The following TRPM1 variants were observed in gnomAD, a reference collection of about 807,000 sequenced individuals.
TRPM1 encodes the protein transient receptor potential cation channel subfamily M member 1.
Under a neutral mutation model 149.4 loss-of-function variants are expected in TRPM1, and 113 were observed. That is an observed-to-expected ratio of 0.76 (90% CI 0.65 to 0.88). The LOEUF is 0.88. Ranked by LOEUF, TRPM1 falls within the 40% of genes least tolerant of loss-of-function variation. The pLI is 0.00. For synonymous variants in TRPM1, 741 were observed against 759.5 expected, an observed-to-expected ratio of 0.98 and a Z score of 0.40; for missense variants, 1,976 against 2,038.7, an observed-to-expected ratio of 0.97 and a Z score of 0.59.
At chr15:31,014,817 C>T (rs1423219169) in intron 27 of TRPM1, among the ~76,000 whole-genome samples, 1 of 152,172 alleles carries the variant, frequency 6.6e-6, no homozygotes, top group Admixed American at 6.5e-5. Context: ...CCAAGTTCCC[C>T]CTCTCACTAT....
At chr15:31,115,194 A>G (rs2035782080) in intron 1 of TRPM1, among the ~76,000 whole-genome samples, 1 of 152,170 alleles carries the variant, frequency 6.6e-6, no homozygotes, top group South Asian at 2.1e-4. Flanking sequence ...GGAGGCGACC[A>G]TGTCAGTGAG....
At chr15:31,073,037 G>GT (rs2034601434) in intron 3 of TRPM1, among the ~76,000 whole-genome samples, 1 of 151,904 alleles carries the variant, frequency 6.6e-6, no homozygotes, top group African/African-American at 2.4e-5. Context: ...TTTTTTTGTT[G>GT]TTTTTGTTGT....
At chr15:31,059,027 G>A (rs540336057) in intron 11 of TRPM1, among the ~76,000 whole-genome samples, 97 of 152,306 alleles carry the variant, frequency 6.4e-4, no homozygotes, top group African/African-American at 2.2e-3. Flanking sequence ...AGGCTGTAGT[G>A]AGCTGAGATA....
chr15:31,010,672 G>T (rs1198350005), intron 27 of TRPM1, among the ~76,000 whole-genome samples: 1 of 152,042 alleles, frequency 6.6e-6, no homozygotes, highest in Non-Finnish European at 1.5e-5. Flanking sequence ...AAAACTTATT[G>T]AGACTTGTTT....
At chr15:31,039,774 C>T (rs1317608752) in intron 18 of TRPM1, among the ~76,000 whole-genome samples, 1 of 152,080 alleles carries the variant, frequency 6.6e-6, no homozygotes, top group Non-Finnish European at 1.5e-5. Flanking sequence ...GGTAGACGAC[C>T]CAACCAGGGT....
At chr15:31,025,916 G>A (rs1020197818) in intron 27 of TRPM1, among the ~76,000 whole-genome samples, 4 of 152,200 alleles carry the variant, frequency 2.6e-5, no homozygotes, top group Non-Finnish European at 5.9e-5. Context: ...GTTTTCTTTC[G>A]GCCCAGGATA....
At position 31,005,057 on chromosome 15, in the gene TRPM1, G is replaced by A. The variant is rs184557944; in HGVS notation, c.3630-1987C>T. ...GCGGAGGTTGCAGTGAGCCGAGATCGCACCACTGCACTCCAGCCTGGATGA... is the reference window on the plus strand; with the variant it reads ...GCGGAGGTTGCAGTGAGCCGAGATCACACCACTGCACTCCAGCCTGGATGA... On this transcript the variant is annotated intron_variant, in intron 27 of 27. Coordinates refer to ENST00000256552, the MANE Select transcript of TRPM1 (RefSeq NM_001252024.2). 5.0e-3 allele frequency among the ~76,000 whole-genome samples: 760 copies of A among 151,818 alleles called. 8 individuals carry two copies. Among genetic ancestry groups the A allele is most frequent in the African/African-American group, 0.017 (723 of 41,338 alleles).
intron 1 of TRPM1, among the ~76,000 whole-genome samples, chr15:31,112,781 A>G (rs1239271255): frequency 2.0e-5 from 3 of 152,064 alleles, no homozygotes; most frequent in Non-Finnish European, 4.4e-5. Context: ...TGCTTCCTGT[A>G]TTTTCCTCTT....
chr15:31,037,033 G>A (rs905225937), intron 20 of TRPM1, among the ~76,000 whole-genome samples: 3 of 152,228 alleles, frequency 2.0e-5, no homozygotes, highest in Non-Finnish European at 4.4e-5. Context: ...CTCTCCTCCC[G>A]ACTGACGTGG....
At chr15:31,113,830 T>C (rs1460733118) in intron 1 of TRPM1, among the ~76,000 whole-genome samples, 3 of 152,126 alleles carry the variant, frequency 2.0e-5, no homozygotes, top group African/African-American at 4.8e-5. Flanking sequence ...ATTGTGAAGA[T>C]GTGAACAGCA....
chr15:31,082,236 A>T (rs1308778116), intron 1 of TRPM1, among the ~76,000 whole-genome samples: 1 of 152,172 alleles, frequency 6.6e-6, no homozygotes, highest in Non-Finnish European at 1.5e-5. Context: ...CCAGTCCATC[A>T]GAAATGGTTA....
chr15:31,004,480 A>G (rs2031908706), intron 27 of TRPM1, among the ~76,000 whole-genome samples: 1 of 148,124 alleles, frequency 6.8e-6, no homozygotes, highest in Non-Finnish European at 1.5e-5. Context: ...CACATTGACA[A>G]CTGTGCTCTG....
chr15:31,116,815 C>T (rs117885785), intron 1 of TRPM1, among the ~76,000 whole-genome samples: 3 of 152,234 alleles, frequency 2.0e-5, no homozygotes, highest in East Asian at 3.9e-4. Flanking sequence ...AACACCCACA[C>T]CTACGGTAAA....
At position 31,084,839 on chromosome 15, in the gene TRPM1, ATTT is replaced by A. The variant is rs35744261; in HGVS notation, c.-83-3404_-83-3402del. Among the ~76,000 whole-genome samples, 611 of 136,856 alleles carry A rather than the reference ATTT, an allele frequency of 4.5e-3. 3 individuals carry two copies. The highest frequency in any genetic ancestry group is 0.014 in the Middle Eastern group (4 of 280). 89.8% of individuals were successfully genotyped at this position (136,856 alleles called of 152,430 possible). ...AGGCGCCCGCCACCACGCCTGGCTA[ATTT>A]TTTTTTTTTTTTTTTGGTATTTTTT... On this transcript the variant is annotated intron_variant, in intron 1 of 27. Coordinates refer to ENST00000256552, the MANE Select transcript of TRPM1 (RefSeq NM_001252024.2).
At position 31,115,979 on chromosome 15, in the gene TRPM1, G is replaced by A. The variant is rs140184634; in HGVS notation, c.55-38995C>T. 1.2e-4 allele frequency among the ~76,000 whole-genome samples: 18 copies of A among 151,948 alleles called. No individual in the cohort carries two copies. The East Asian group carries it at 3.3e-3, about 28-fold the overall frequency. ...GGTGGAAGGAGCGAGATAGCTCTCCGGGGCCTCTTTTATGAGGGCACTAAT... is the reference window on the plus strand; with the variant it reads ...GGTGGAAGGAGCGAGATAGCTCTCCAGGGCCTCTTTTATGAGGGCACTAAT... On this transcript the variant is annotated intron_variant, in intron 1 of 26. Transcript: ENST00000542188.
At chr15:31,062,453 T>C in intron 9 of TRPM1, 126 bp downstream of exon 9, 2 of 1,263,022 alleles carry the variant, frequency 1.6e-6, no homozygotes, top group Non-Finnish European at 2.2e-6. Flanking sequence ...TATGCATTTG[T>C]ACTGTCTCTC....
At chr15:31,101,571 A>C (rs1219721238) in intron 1 of TRPM1, 86 bp downstream of exon 1, 2 of 822,646 alleles carry the variant, frequency 2.4e-6, no homozygotes, top group African/African-American at 3.7e-5. Context: ...TCTGCACCTG[A>C]GTTTGTCCAC....
At chr15:31,125,452 C>T (rs1567069437) in intron 1 of TRPM1, among the ~76,000 whole-genome samples, 2 of 151,828 alleles carry the variant, frequency 1.3e-5, no homozygotes, top group South Asian at 2.1e-4. Flanking sequence ...TACATGCGGC[C>T]GGGCGCAGTG....
At chr15:31,129,725 A>G (rs1266536806) in intron 1 of TRPM1, among the ~76,000 whole-genome samples, 2 of 152,204 alleles carry the variant, frequency 1.3e-5, no homozygotes, top group African/African-American at 2.4e-5. Context: ...TGTTCGTGTC[A>G]GCTGTCTGTG....
Sources: gnomAD v4.1 joint callset for allele counts (sites outside exome capture counted in the v4.1 genomes callset) on GRCh38, gnomAD v4.1.1 for gene constraint, MANE v1.5 for transcripts, NCBI Gene and HGNC (gene_info 2026-07-23, HGNC 2026-07-21) for gene names.